Variants in SORCS3 observed in about 807,000 individuals in gnomAD.
SORCS3 encodes sortilin related VPS10 domain containing receptor 3.
Under a neutral mutation model 146.3 loss-of-function variants are expected in SORCS3, and 57 were observed. The observed-to-expected ratio is 0.39, with a 90% CI of 0.31 to 0.49. The LOEUF is 0.49. Ranked by LOEUF, SORCS3 falls within the 20% of genes least tolerant of loss-of-function variation. The pLI is 0.92. For synonymous variants in SORCS3, 653 were observed against 618.5 expected (o/e 1.06, Z -0.83); for missense variants, 1,341 against 1,575.5 (o/e 0.85, Z 2.52).
intron 1 of SORCS3, among the ~76,000 whole-genome samples, chr10:104,788,245 A>C (rs978523602): frequency 1.3e-5 from 2 of 152,178 alleles, no homozygotes; most frequent in Admixed American, 1.3e-4. Context: ...TTATTGTTGC[A>C]TTGTGGGTTC....
At chr10:104,880,973 T>C (rs1240473695) in intron 2 of SORCS3, among the ~76,000 whole-genome samples, 1 of 152,200 alleles carries the variant, frequency 6.6e-6, no homozygotes, top group East Asian at 1.9e-4. Flanking sequence ...CATATCTGAC[T>C]TGTTAAAACA....
At chr10:104,968,806 G>A (rs541184295) in intron 3 of SORCS3, among the ~76,000 whole-genome samples, 3 of 152,300 alleles carry the variant, frequency 2.0e-5, no homozygotes, top group Non-Finnish European at 2.9e-5. Flanking sequence ...GCTTTAGCGA[G>A]AGTCACATGT....
chr10:104,897,018 A>C (rs1229001944), intron 2 of SORCS3, among the ~76,000 whole-genome samples: 1 of 152,194 alleles, frequency 6.6e-6, no homozygotes, highest in Non-Finnish European at 1.5e-5. Context: ...GTGCTGGACT[A>C]TAGCATGCTG....
intron 3 of SORCS3, among the ~76,000 whole-genome samples, chr10:104,945,969 C>A (rs903345984): frequency 6.6e-6 from 1 of 151,964 alleles, no homozygotes; most frequent in African/African-American, 2.4e-5. Context: ...TTCAGGAAGA[C>A]CTGAGTTCTA....
intron 1 of SORCS3, among the ~76,000 whole-genome samples, chr10:104,668,581 A>T (rs906260856): frequency 3.3e-5 from 5 of 152,200 alleles, no homozygotes; most frequent in African/African-American, 1.2e-4. Flanking sequence ...AGTGAGATAC[A>T]CTTGTATTGT....
At chr10:104,969,340 T>C (rs4918145) in intron 3 of SORCS3, among the ~76,000 whole-genome samples, 2,662 of 112,394 alleles carry the variant, frequency 0.024, 36 homozygotes, top group Middle Eastern at 0.051. Context: ...TGTGTGTGTG[T>C]GCGCGCGCGC....
At chr10:105,007,258 C>CAGT (rs2055102021) in intron 4 of SORCS3, among the ~76,000 whole-genome samples, 1 of 152,104 alleles carries the variant, frequency 6.6e-6, no homozygotes, top group Non-Finnish European at 1.5e-5. Context: ...ATGAGAGATA[C>CAGT]AGAAAAATAT....
intron 5 of SORCS3, among the ~76,000 whole-genome samples, chr10:105,063,404 C>A (rs2055500843): frequency 6.6e-6 from 1 of 152,076 alleles, no homozygotes; most frequent in Non-Finnish European, 1.5e-5. Context: ...ACTGTGTAGA[C>A]AAAGTGGCCA....
chr10:105,084,635 G>T (rs2055646761), intron 5 of SORCS3, among the ~76,000 whole-genome samples: 1 of 152,230 alleles, frequency 6.6e-6, no homozygotes, highest in East Asian at 1.9e-4. Flanking sequence ...GTGAGGAAGT[G>T]CAGTTCTTGA....
intron 1 of SORCS3, among the ~76,000 whole-genome samples, chr10:104,658,740 G>C (rs1286836727): frequency 6.6e-6 from 1 of 152,160 alleles, no homozygotes. Flanking sequence ...TGATGATGAT[G>C]ATGATGATGG....
At chr10:104,707,485 G>C (rs563853904) in intron 1 of SORCS3, among the ~76,000 whole-genome samples, 138 of 152,268 alleles carry the variant, frequency 9.1e-4, no homozygotes, top group Non-Finnish European at 1.6e-3. Flanking sequence ...TTAACACTGA[G>C]TAGTAAAGTG....
chr10:105,118,136 C>T (rs968729079), intron 7 of SORCS3, among the ~76,000 whole-genome samples: 2 of 152,114 alleles, frequency 1.3e-5, no homozygotes, highest in Non-Finnish European at 2.9e-5. Flanking sequence ...CTCATAATCC[C>T]CAGTGTGTCG....
rs556007305 is a variant in SORCS3, at chr10:104,961,350, A to T, written c.796-15985A>T. 3.3e-5 allele frequency among the ~76,000 whole-genome samples: 5 copies of T among 152,294 alleles called. No homozygotes were observed. The East Asian group carries it at 9.6e-4, about 29-fold the overall frequency. On this transcript the variant is annotated intron_variant, in intron 3 of 26. Transcript: ENST00000369701. ...TTTAACCTGCGCCTTAGTCCATCTG[A>T]TCGTAGAAATCCATGTCTGGGTTTA...
intron 5 of SORCS3, among the ~76,000 whole-genome samples, chr10:105,065,232 G>A (rs1013649548): frequency 1.3e-5 from 2 of 152,140 alleles, no homozygotes; most frequent in South Asian, 2.1e-4. Flanking sequence ...TTACCTAAAG[G>A]GTGAGAAGTT....
intron 1 of SORCS3, among the ~76,000 whole-genome samples, chr10:104,740,361 T>C (rs2016827182): frequency 6.6e-6 from 1 of 152,206 alleles, no homozygotes; most frequent in Non-Finnish European, 1.5e-5. Flanking sequence ...CTGGATCAGA[T>C]TGTGATCAAA....
At chr10:105,206,091 G>A (rs2056600365) in intron 16 of SORCS3, among the ~76,000 whole-genome samples, 2 of 152,144 alleles carry the variant, frequency 1.3e-5, no homozygotes, top group African/African-American at 4.8e-5. Context: ...GAGTAAGCTT[G>A]AGTACTCTGC....
chr10:104,797,843 GA>G (rs1435161874), intron 1 of SORCS3, among the ~76,000 whole-genome samples: 9 of 151,896 alleles, frequency 5.9e-5, no homozygotes, highest in African/African-American at 1.7e-4. Flanking sequence ...GGAGATTAGA[GA>G]AAAAAAGTAT....
intron 3 of SORCS3, among the ~76,000 whole-genome samples, chr10:104,929,044 G>C (rs1210246769): frequency 6.6e-6 from 1 of 152,180 alleles, no homozygotes; most frequent in Non-Finnish European, 1.5e-5. Flanking sequence ...TCAGTTTAGA[G>C]CTCCTTAATT....
At chr10:105,261,279 T>C (rs1042898475) in intron 25 of SORCS3, among the ~76,000 whole-genome samples, 1 of 152,198 alleles carries the variant, frequency 6.6e-6, no homozygotes, top group Non-Finnish European at 1.5e-5. Flanking sequence ...AGAGACGACA[T>C]GTAAGCCAAG....
Sources: allele counts gnomAD v4.1 joint callset (sites outside exome capture counted in the v4.1 genomes callset), GRCh38; gene constraint gnomAD v4.1.1; transcripts MANE v1.5; gene names NCBI Gene and HGNC (gene_info 2026-07-23, HGNC 2026-07-21).